SCAPER: variants seen among roughly 807,000 people sequenced by gnomAD.
The protein encoded by SCAPER is S phase cyclin A-associated protein in the endoplasmic reticulum.
In SCAPER, 98 loss-of-function variants were observed where a neutral mutation model predicts 182.2. The observed-to-expected ratio is 0.54, with a 90% CI of 0.46 to 0.64. The LOEUF (loss-of-function observed/expected upper bound fraction) is 0.64. Among genes scored for constraint, SCAPER ranks in the 30% least tolerant of loss-of-function variants. SCAPER has a pLI of 0.00. For synonymous variants in SCAPER, 605 were observed against 564.6 expected, an observed-to-expected ratio of 1.07 and a Z score of -1.01; for missense variants, 1,432 against 1,690.0, an observed-to-expected ratio of 0.85 and a Z score of 2.68.
At chr15:76,456,748 T>C (rs1463290345) in intron 25 of SCAPER, among the ~76,000 whole-genome samples, 1 of 152,210 alleles carries the variant, frequency 6.6e-6, no homozygotes, top group African/African-American at 2.4e-5. Flanking sequence ...TGTTTCTTTC[T>C]CCCTTATATT....
chr15:76,734,076 C>A (rs944497213), intron 15 of SCAPER, among the ~76,000 whole-genome samples: 1 of 152,142 alleles, frequency 6.6e-6, no homozygotes, highest in South Asian at 2.1e-4. Flanking sequence ...GGTATGCTCA[C>A]GTTATTCTAA....
In SCAPER at chr15:76,511,527, C is replaced by G. The variant is rs2042023363; in HGVS notation, c.2839-6553G>C. On this transcript the variant is annotated intron_variant, in intron 23 of 31. Coordinates refer to ENST00000563290, the MANE Select transcript of SCAPER (RefSeq NM_020843.4). ...AGTCTACAGAAAGAGATTCACGGAC[C>G]TCAGAATGATCCCTCTCCAATAGCC... Among the ~76,000 whole-genome samples, 2 of 152,162 alleles carry G rather than the reference C, an allele frequency of 1.3e-5. 1 individual carries two copies.
intron 24 of SCAPER, among the ~76,000 whole-genome samples, chr15:76,490,258 C>T (rs79568763): frequency 0.017 from 2,650 of 152,250 alleles, 84 homozygotes; most frequent in African/African-American, 0.061. Context: ...TGGATTCCAA[C>T]GAAGAGTGTA....
intron 25 of SCAPER, among the ~76,000 whole-genome samples, chr15:76,468,569 T>C (rs2049873896): frequency 6.6e-6 from 1 of 152,106 alleles, no homozygotes; most frequent in Non-Finnish European, 1.5e-5. Context: ...TCCAGGCCCA[T>C]GGTTGGTACT....
At chr15:76,708,383 T>C (rs2059379301) in intron 17 of SCAPER, among the ~76,000 whole-genome samples, 1 of 151,778 alleles carries the variant, frequency 6.6e-6, no homozygotes, top group Non-Finnish European at 1.5e-5. Flanking sequence ...TATATCAAAA[T>C]TGATGAGAGG....
At chr15:76,424,851 G>T (rs1019946830) in intron 26 of SCAPER, among the ~76,000 whole-genome samples, 1 of 152,160 alleles carries the variant, frequency 6.6e-6, no homozygotes, top group Non-Finnish European at 1.5e-5. Flanking sequence ...TGTCTGTAAA[G>T]GATTTTATTT....
chr15:76,371,373 G>A (rs2042163754), intron 29 of SCAPER, among the ~76,000 whole-genome samples: 1 of 150,220 alleles, frequency 6.7e-6, no homozygotes, highest in South Asian at 2.1e-4. Flanking sequence ...AGGCTGGAGT[G>A]CAGTGGCGTG....
intron 15 of SCAPER, chr15:76,737,014 C>G (rs2061308900): frequency 6.6e-6 from 1 of 152,360 alleles, no homozygotes; most frequent in Non-Finnish European, 1.5e-5. Context: ...TCTTGAACCA[C>G]CAAAAATCAT....
At chr15:76,721,212 G>T (rs1421799970) in intron 17 of SCAPER, among the ~76,000 whole-genome samples, 1 of 152,040 alleles carries the variant, frequency 6.6e-6, no homozygotes, top group Non-Finnish European at 1.5e-5. Flanking sequence ...TTTTTCTCAG[G>T]TTTGTCAAAG....
intron 21 of SCAPER, among the ~76,000 whole-genome samples, chr15:76,640,313 A>C (rs1050630928): frequency 6.6e-6 from 1 of 152,234 alleles, no homozygotes; most frequent in South Asian, 2.1e-4. Context: ...TACAAATGCA[A>C]TGTGACTGGA....
chr15:76,370,580 T>C (rs1237578042), intron 29 of SCAPER, among the ~76,000 whole-genome samples: 1 of 152,104 alleles, frequency 6.6e-6, no homozygotes, highest in East Asian at 1.9e-4. Flanking sequence ...GCTGGGATTA[T>C]AGACTTGGGC....
At chr15:76,385,918 A>G (rs2043259295) in intron 27 of SCAPER, among the ~76,000 whole-genome samples, 1 of 152,198 alleles carries the variant, frequency 6.6e-6, no homozygotes. Flanking sequence ...TAAAACATTT[A>G]ATATTTTACA....
intron 21 of SCAPER, among the ~76,000 whole-genome samples, chr15:76,642,113 T>C (rs1376930218): frequency 2.0e-5 from 3 of 152,176 alleles, no homozygotes; most frequent in Non-Finnish European, 4.4e-5. Flanking sequence ...ATCAAATAAA[T>C]ATTAGCTCTC....
chr15:76,867,999 G>A (rs2072418465), intron 2 of SCAPER, among the ~76,000 whole-genome samples: 1 of 151,762 alleles, frequency 6.6e-6, no homozygotes, highest in South Asian at 2.1e-4. Flanking sequence ...CAGATGCATA[G>A]GATCTAGCAG....
chr15:76,455,921 C>T (rs1029810533), intron 25 of SCAPER, among the ~76,000 whole-genome samples: 3 of 152,022 alleles, frequency 2.0e-5, no homozygotes, highest in Non-Finnish European at 2.9e-5. Context: ...GAGAACATGC[C>T]GTGTTTGGTT....
At chr15:76,567,905 T>C (rs1353561148) in intron 23 of SCAPER, among the ~76,000 whole-genome samples, 1 of 152,102 alleles carries the variant, frequency 6.6e-6, no homozygotes, top group Non-Finnish European at 1.5e-5. Context: ...CCCTTTATTG[T>C]TAATTTCTTT....
At chr15:76,708,454 G>A (rs890406842) in intron 17 of SCAPER, among the ~76,000 whole-genome samples, 12 of 151,562 alleles carry the variant, frequency 7.9e-5, no homozygotes, top group African/African-American at 1.5e-4. Flanking sequence ...GAAATGCAGG[G>A]AGGGTGGGGC....
At chr15:76,361,022 TAA>T (rs77923587) in intron 29 of SCAPER, among the ~76,000 whole-genome samples, 14 of 134,594 alleles carry the variant, frequency 1.0e-4, no homozygotes, top group African/African-American at 8.2e-5. Context: ...AAATTTAAAT[TAA>T]AAAAAAAAAA....
chr15:76,677,882 C>G (rs1463896859), intron 20 of SCAPER, among the ~76,000 whole-genome samples: 2 of 151,300 alleles, frequency 1.3e-5, no homozygotes, highest in Admixed American at 1.3e-4. Context: ...AAAAACTGAC[C>G]AATAGGTTCA....
Sources: allele counts gnomAD v4.1 joint callset (sites outside exome capture counted in the v4.1 genomes callset), GRCh38; gene constraint gnomAD v4.1.1; transcripts MANE v1.5; gene names NCBI Gene and HGNC (gene_info 2026-07-23, HGNC 2026-07-21).